SPECC1: variants seen among roughly 807,000 people sequenced by gnomAD.
The protein encoded by SPECC1 is sperm antigen with calponin homology and coiled-coil domains 1.
Under a neutral mutation model 104.1 loss-of-function variants are expected in SPECC1, and 62 were observed. That is an observed-to-expected ratio of 0.60 (90% CI 0.49 to 0.74). SPECC1 has a LOEUF of 0.74. Ranked by LOEUF, SPECC1 falls within the 30% of genes least tolerant of loss-of-function variation. SPECC1 has a pLI of 0.00. For synonymous variants in SPECC1, 513 were observed against 501.6 expected (o/e 1.02, Z -0.30); for missense variants, 1,306 against 1,310.5 (o/e 1.00, Z 0.05).
chr17:20,016,324 C>A (rs182838466), intron 1 of SPECC1, among the ~76,000 whole-genome samples: 1 of 152,178 alleles, frequency 6.6e-6, no homozygotes, highest in African/African-American at 2.4e-5. Flanking sequence ...AGTCCTCGCT[C>A]GCTCTCGGTG....
At chr17:20,174,012 A>G (rs2034284345) in intron 3 of SPECC1, among the ~76,000 whole-genome samples, 1 of 149,860 alleles carries the variant, frequency 6.7e-6, no homozygotes, top group Non-Finnish European at 1.5e-5. Flanking sequence ...GGCTCACTGC[A>G]ATCTCCACCT....
Position 20,315,361 on chromosome 17 carries a change from G to A in SPECC1, c.*1296G>A, listed in dbSNP as rs899223972. ...AAGTGGCAGCAGAGCCCTCCCCAGC[G>A]GTGCCCCAGTCCCTCAGAAGTGCTC... On this transcript the variant is annotated 3_prime_UTR_variant, in exon 15 of 15. Transcript: ENST00000395527. The A allele has an allele frequency of 2.1e-5, 5 of 232,694 alleles. No individual in the cohort carries two copies. Among genetic ancestry groups the A allele is most frequent in the East Asian group, 1.8e-4 (3 of 16,526 alleles). 14.4% of individuals were successfully genotyped at this position (232,694 alleles called of 1,614,324 possible). A position where few individuals can be genotyped will look rare whatever the true frequency, so the allele number is the denominator to read the frequency against.
At chr17:20,042,019 C>G (rs1022403327) in intron 1 of SPECC1, among the ~76,000 whole-genome samples, 4 of 152,206 alleles carry the variant, frequency 2.6e-5, no homozygotes, top group African/African-American at 7.2e-5. Flanking sequence ...TCTTTTCTCT[C>G]TTTCAGTTTG....
intron 7 of SPECC1, among the ~76,000 whole-genome samples, chr17:20,235,254 G>A (rs1312195802): frequency 6.6e-6 from 1 of 152,184 alleles, no homozygotes; most frequent in Non-Finnish European, 1.5e-5. Context: ...TATCTTAGTT[G>A]TGGCTTGGGA....
At chr17:20,130,491 C>T (rs368246526) in intron 3 of SPECC1, among the ~76,000 whole-genome samples, 31 of 152,242 alleles carry the variant, frequency 2.0e-4, no homozygotes, top group South Asian at 1.7e-3. Flanking sequence ...TATATAATAA[C>T]GCCATTGCAC....
chr17:20,226,972 C>A (rs1396446444), intron 4 of SPECC1, among the ~76,000 whole-genome samples: 7 of 152,080 alleles, frequency 4.6e-5, no homozygotes, highest in Non-Finnish European at 1.0e-4. Context: ...GGGGTGGCCA[C>A]ACCAGGCAGC....
intron 3 of SPECC1, among the ~76,000 whole-genome samples, chr17:20,161,969 A>AT (rs1313323773): frequency 6.7e-6 from 1 of 149,416 alleles, no homozygotes; most frequent in Non-Finnish European, 1.5e-5. Context: ...TAATTTTTGT[A>AT]TTTTTAGTAG....
intron 2 of SPECC1, among the ~76,000 whole-genome samples, chr17:20,101,240 C>T (rs1248130372): frequency 6.6e-6 from 1 of 152,190 alleles, no homozygotes; most frequent in Non-Finnish European, 1.5e-5. Context: ...GGAATCACCA[C>T]ACTGTCTTCC....
At chr17:20,243,334 A>T (rs537823692) in intron 7 of SPECC1, among the ~76,000 whole-genome samples, 1 of 152,324 alleles carries the variant, frequency 6.6e-6, no homozygotes, top group Admixed American at 6.5e-5. Flanking sequence ...TCATTATAGA[A>T]TACAGAGTTT....
intron 3 of SPECC1, among the ~76,000 whole-genome samples, chr17:20,160,893 C>T (rs1236968721): frequency 6.6e-6 from 1 of 152,204 alleles, no homozygotes; most frequent in Non-Finnish European, 1.5e-5. Context: ...GCAAGTCATA[C>T]TTAAATTTTC....
intron 3 of SPECC1, among the ~76,000 whole-genome samples, chr17:20,120,766 T>A (rs1255709158): frequency 6.6e-6 from 1 of 152,238 alleles, no homozygotes; most frequent in Non-Finnish European, 1.5e-5. Flanking sequence ...ATTTTGAACT[T>A]ACAAGAATTA....
intron 13 of SPECC1, among the ~76,000 whole-genome samples, chr17:20,302,312 C>G (rs901435453): frequency 6.6e-6 from 1 of 152,172 alleles, no homozygotes; most frequent in Non-Finnish European, 1.5e-5. Context: ...CATCATCCCC[C>G]GACCAGGGCA....
chr17:20,058,622 G>A (rs1225351032), intron 1 of SPECC1, among the ~76,000 whole-genome samples: 2 of 151,984 alleles, frequency 1.3e-5, no homozygotes, highest in Non-Finnish European at 2.9e-5. Context: ...TCATGCCACC[G>A]TACTCCAGCC....
intron 1 of SPECC1, among the ~76,000 whole-genome samples, chr17:20,027,330 C>T (rs2044637258): frequency 6.6e-6 from 1 of 152,116 alleles, no homozygotes. Flanking sequence ...GGATACTAGT[C>T]CCTTGATGGA....
In SPECC1 at chr17:20,260,307, A is replaced by G; in HGVS notation, c.2940+13A>G. On this transcript the variant is annotated intron_variant, in intron 12 of 14. Transcript: ENST00000395527. ...ACAAGGTTATGCGGTAAGGGACAAC[A>G]TCAGCCAACTTCCAGCTGCCCCTGG... 6.2e-7 allele frequency: 1 copy of G among 1,611,270 alleles called. No homozygotes were observed. Among genetic ancestry groups the G allele is most frequent in the Non-Finnish European group, 8.5e-7 (1 of 1,177,884 alleles).
At chr17:20,044,669 T>C (rs954830903) in intron 1 of SPECC1, among the ~76,000 whole-genome samples, 1 of 152,174 alleles carries the variant, frequency 6.6e-6, no homozygotes, top group Non-Finnish European at 1.5e-5. Flanking sequence ...TAGGGTTTGT[T>C]TTTATTTGAA....
intron 1 of SPECC1, among the ~76,000 whole-genome samples, chr17:20,035,886 G>A (rs1198183196): frequency 6.6e-6 from 1 of 151,926 alleles, no homozygotes; most frequent in African/African-American, 2.4e-5. Flanking sequence ...AGGCTGGAGT[G>A]CGGTGGCTCA....
At chr17:20,086,306 C>T (rs1261207117) in intron 1 of SPECC1, among the ~76,000 whole-genome samples, 1 of 152,192 alleles carries the variant, frequency 6.6e-6, no homozygotes, top group Non-Finnish European at 1.5e-5. Context: ...TTCCCACCTC[C>T]TGTCTCTCCC....
At position 20,204,775 on chromosome 17, in the gene SPECC1, T is replaced by TC; in HGVS notation, c.727dup (p.Leu243ProfsTer16). On this transcript the variant is annotated frameshift_variant, in exon 4 of 15. Transcript: ENST00000395527. LOFTEE classifies it high-confidence loss of function. ...AGAACTTTCAGAAAGAGCTTTCCGA[T>TC]CTAGAGGAAGAAAACCGGGTCCTGA... is the stretch of plus-strand genomic sequence containing the variant. 6.2e-7 allele frequency: 1 copy of TC among 1,614,008 alleles called. No homozygotes were observed. Among genetic ancestry groups the TC allele is most frequent in the Non-Finnish European group, 8.5e-7 (1 of 1,180,010 alleles).
Sources: gnomAD v4.1 joint callset for allele counts (sites outside exome capture counted in the v4.1 genomes callset) on GRCh38, gnomAD v4.1.1 for gene constraint, MANE v1.5 for transcripts, NCBI Gene and HGNC (gene_info 2026-07-23, HGNC 2026-07-21) for gene names.